The following SIPA1L1 variants were observed in gnomAD, a reference collection of about 807,000 sequenced individuals.
SIPA1L1 encodes signal-induced proliferation-associated 1-like protein 1.
In SIPA1L1, 26 loss-of-function variants were observed where a neutral mutation model predicts 162.7. The observed-to-expected ratio is 0.16, with a 90% confidence interval of 0.12 to 0.22. The LOEUF (loss-of-function observed/expected upper bound fraction) is 0.22. SIPA1L1 is among the 10% of genes least tolerant of loss of function. The pLI is 1.00. For missense variants in SIPA1L1, 1,874 were observed against 2,241.0 expected, an observed-to-expected ratio of 0.84 and a Z score of 3.31; for synonymous variants, 829 against 837.4, an observed-to-expected ratio of 0.99 and a Z score of 0.17.
chr14:71,732,373 T>C (rs1350788142), intron 20 of SIPA1L1, among the ~76,000 whole-genome samples: 2 of 152,166 alleles, frequency 1.3e-5, no homozygotes, highest in Non-Finnish European at 2.9e-5. Flanking sequence ...AGGGTGCTCC[T>C]TCTCGTGGAG....
At chr14:71,445,513 T>G (rs749101570) in intron 2 of SIPA1L1, among the ~76,000 whole-genome samples, 107 of 152,142 alleles carry the variant, frequency 7.0e-4, no homozygotes, top group Non-Finnish European at 1.1e-3. Context: ...CTAATTTTAG[T>G]TTTTAGATGT....
chr14:71,556,632 C>T lies in SIPA1L1; in HGVS notation c.-303+27262C>T, dbSNP rs533286031. Among the ~76,000 whole-genome samples, 19 of 152,316 alleles carry T rather than the reference C, an allele frequency of 1.2e-4. No homozygotes were observed. The East Asian group carries it at 1.7e-3, about 14-fold the overall frequency. On this transcript the variant is annotated intron_variant, in intron 4 of 23. Transcript: ENST00000381232. The stretch of plus-strand genomic sequence containing the variant: ...GATATTACAAAGGATTCAGATGAAG[C>T]GTTGTGTAGGGCAAGGTATCAGGGA...
At position 71,735,563 on chromosome 14, in the gene SIPA1L1, ATAAT is replaced by A. The variant is rs559406956; in HGVS notation, c.5123+176_5123+179del. The stretch of plus-strand genomic sequence containing the variant: ...CGCTTTGTAACTGAATACTGTAGAC[ATAAT>A]TAAACTATTCTTGATGACTTATACG... On this transcript the variant is annotated intron_variant, in intron 22 of 23. Transcript: ENST00000381232. 1.2e-3 allele frequency: 654 copies of A among 529,516 alleles called. 2 individuals are homozygous for A. Among genetic ancestry groups the A allele is most frequent in the Middle Eastern group, 9.2e-3 (19 of 2,070 alleles). The allele number at this position is 529,516 out of a possible 1,614,324, so 32.8% of individuals were successfully genotyped here.
At chr14:71,630,810 T>C (rs1469203157) in intron 7 of SIPA1L1, among the ~76,000 whole-genome samples, 1 of 151,994 alleles carries the variant, frequency 6.6e-6, no homozygotes, top group Non-Finnish European at 1.5e-5. Context: ...TTCTGTTTCA[T>C]TATGCAGATA....
At chr14:71,397,277 C>T (rs1251888220) in intron 2 of SIPA1L1, among the ~76,000 whole-genome samples, 5 of 152,066 alleles carry the variant, frequency 3.3e-5, no homozygotes, top group East Asian at 1.9e-4. Flanking sequence ...AATTGTTTTC[C>T]GTGTGTTGTC....
intron 2 of SIPA1L1, among the ~76,000 whole-genome samples, chr14:71,492,889 G>A (rs1489207194): frequency 6.6e-6 from 1 of 151,164 alleles, no homozygotes; most frequent in Admixed American, 6.6e-5. Flanking sequence ...GCCTCCCAAA[G>A]TGCTGGGATT....
intron 5 of SIPA1L1, among the ~76,000 whole-genome samples, chr14:71,595,573 A>G (rs2035937051): frequency 6.6e-6 from 1 of 152,196 alleles, no homozygotes; most frequent in Non-Finnish European, 1.5e-5. Context: ...AATGACCTCA[A>G]TTCTTTTTGG....
chr14:71,568,744 A>G (rs924464429), intron 4 of SIPA1L1, among the ~76,000 whole-genome samples: 3 of 152,216 alleles, frequency 2.0e-5, no homozygotes, highest in Admixed American at 6.5e-5. Flanking sequence ...AAAAGGATAC[A>G]TTCCAAATGA....
chr14:71,420,013 C>A (rs1240410954), intron 2 of SIPA1L1, among the ~76,000 whole-genome samples: 6 of 151,816 alleles, frequency 4.0e-5, no homozygotes, highest in East Asian at 3.9e-4. Context: ...AAAGCAAGAC[C>A]CTGTCTCAAA....
At chr14:71,384,769 C>T (rs1164309112) in intron 2 of SIPA1L1, among the ~76,000 whole-genome samples, 6 of 152,264 alleles carry the variant, frequency 3.9e-5, no homozygotes, top group East Asian at 3.9e-4. Flanking sequence ...ATCTTAAAAC[C>T]GCCAGTAATC....
intron 7 of SIPA1L1, among the ~76,000 whole-genome samples, chr14:71,641,214 A>T (rs2041676642): frequency 6.6e-6 from 1 of 152,110 alleles, no homozygotes; most frequent in Non-Finnish European, 1.5e-5. Flanking sequence ...AGAGATTTCC[A>T]GAACTGATGA....
At chr14:71,399,909 C>T (rs1177953001) in intron 2 of SIPA1L1, among the ~76,000 whole-genome samples, 13 of 151,848 alleles carry the variant, frequency 8.6e-5, no homozygotes, top group African/African-American at 2.2e-4. Flanking sequence ...TTAGTAGAGA[C>T]GGGGTTTTGC....
intron 3 of SIPA1L1, among the ~76,000 whole-genome samples, chr14:71,523,325 A>G (rs1320881003): frequency 6.6e-6 from 1 of 152,000 alleles, no homozygotes; most frequent in Non-Finnish European, 1.5e-5. Flanking sequence ...GTTATGACTC[A>G]GAATCCCTTG....
chr14:71,653,065 G>A (rs1021290499), intron 8 of SIPA1L1, among the ~76,000 whole-genome samples: 1 of 152,080 alleles, frequency 6.6e-6, no homozygotes, highest in Non-Finnish European at 1.5e-5. Context: ...TTCTTTAAGT[G>A]TTGAGTTTTG....
At chr14:71,730,449 T>C (rs2084664492) in intron 20 of SIPA1L1, 148 bp downstream of exon 20, 2 of 902,550 alleles carry the variant, frequency 2.2e-6, no homozygotes, top group African/African-American at 1.7e-5. Context: ...ATTTGCCCTC[T>C]CTCTCCTGTA....
Position 71,618,828 on chromosome 14 carries a change from G to C in SIPA1L1, c.1570G>C (p.Asp524His). The part of the protein sequence containing the change: ...VAVSIRREKP[D>H]EMKENGSPYN... ...TGTGAGCATTCGAAGGGAAAAACCA[G>C]ATGAAATGAAAGAAAATGGATCTCC... Residue 524 changes from aspartate to histidine, a missense_variant, in exon 6 of 24, where the codon GAT becomes CAT. By Grantham distance (81) the Asp-to-His change is moderately conservative. Coordinates refer to ENST00000381232, the MANE Select transcript of SIPA1L1 (RefSeq NM_001386936.1). 6.2e-7 allele frequency: 1 copy of C among 1,613,958 alleles called. No individual in the cohort carries two copies. Among genetic ancestry groups the C allele is most frequent in the Non-Finnish European group, 8.5e-7 (1 of 1,179,892 alleles).
chr14:71,612,866 G>A (rs1296815754), intron 5 of SIPA1L1, among the ~76,000 whole-genome samples: 1 of 152,118 alleles, frequency 6.6e-6, no homozygotes, highest in Non-Finnish European at 1.5e-5. Flanking sequence ...TATTGTGAAA[G>A]TATCAACCAA....
rs185914664 is a variant in SIPA1L1, at chr14:71,722,510, G to C, written c.4209-1137G>C. On this transcript the variant is annotated intron_variant, in intron 17 of 23. Coordinates refer to ENST00000381232, the MANE Select transcript of SIPA1L1 (RefSeq NM_001386936.1). ...GTTGTAGCAAGAGTCAGCCATCTTT[G>C]GTCTCACCCCATGCTGGAGAACTCA... Among the ~76,000 whole-genome samples, 9 of 152,246 alleles carry C rather than the reference G, an allele frequency of 5.9e-5. No homozygotes were observed. In the East Asian group the frequency reaches 1.7e-3, roughly 29 times the overall value.
intron 7 of SIPA1L1, among the ~76,000 whole-genome samples, chr14:71,644,208 A>G (rs1009501249): frequency 1.3e-5 from 2 of 152,000 alleles, no homozygotes; most frequent in African/African-American, 4.8e-5. Flanking sequence ...ACTTTCATGC[A>G]CTTTGAATGA....
Sources: allele counts gnomAD v4.1 joint callset (sites outside exome capture counted in the v4.1 genomes callset), GRCh38; gene constraint gnomAD v4.1.1; transcripts MANE v1.5; gene names NCBI Gene and HGNC (gene_info 2026-07-23, HGNC 2026-07-21).